Variants in WNK2 observed in about 807,000 individuals in gnomAD.
WNK2 encodes serine/threonine-protein kinase WNK2.
In WNK2, 67 loss-of-function variants were observed where a neutral mutation model predicts 192.1. The ratio of observed to expected loss-of-function variants is 0.35; its 90% CI spans 0.29 to 0.43. WNK2 has a LOEUF of 0.43. Among genes scored for constraint, WNK2 ranks in the 20% least tolerant of loss-of-function variants. WNK2 has a pLI of 1.00. For synonymous variants in WNK2, 1,439 were observed against 1,393.9 expected, an observed-to-expected ratio of 1.03 and a Z score of -0.72; for missense variants, 2,698 against 3,089.7, an observed-to-expected ratio of 0.87 and a Z score of 3.01.
At chr9:93,201,419 A>C (rs530868774) in intron 2 of WNK2, among the ~76,000 whole-genome samples, 8 of 152,286 alleles carry the variant, frequency 5.3e-5, no homozygotes, top group Admixed American at 5.2e-4. Context: ...CTCACGCTGC[A>C]TGCTCTTGGC....
chr9:93,253,221 TC>T, intron 9 of WNK2, 139 bp downstream of exon 9: 1 of 736,576 alleles, frequency 1.4e-6, no homozygotes, highest in Non-Finnish European at 1.9e-6. Context: ...GTGGTCAGTG[TC>T]CAGCCACACT....
chr9:93,214,516 G>C (rs1211277585), intron 2 of WNK2, among the ~76,000 whole-genome samples: 1 of 151,804 alleles, frequency 6.6e-6, no homozygotes, highest in East Asian at 1.9e-4. Context: ...GTTGGCCAGG[G>C]TGGTCTCAAA....
At chr9:93,266,554 T>C (rs1466886363) in intron 16 of WNK2, among the ~76,000 whole-genome samples, 3 of 152,248 alleles carry the variant, frequency 2.0e-5, no homozygotes, top group Non-Finnish European at 4.4e-5. Flanking sequence ...TTCTCGTATG[T>C]GGCACTCCAG....
At chr9:93,230,856 GCT>G in intron 3 of WNK2, 30 bp from the exon 4 acceptor site, 1 of 1,598,900 alleles carries the variant, frequency 6.3e-7, no homozygotes, top group Non-Finnish European at 8.5e-7. Flanking sequence ...CCGGCGAGCT[GCT>G]TGGTGAGCTG....
At chr9:93,225,335 G>C (rs1055684773) in intron 2 of WNK2, among the ~76,000 whole-genome samples, 1 of 152,208 alleles carries the variant, frequency 6.6e-6, no homozygotes, top group Non-Finnish European at 1.5e-5. Flanking sequence ...AATTGAGGCT[G>C]CAGTGAGCTA....
At position 93,292,921 on chromosome 9, in the gene WNK2, C is replaced by T. The variant is rs201158379; in HGVS notation, c.5456C>T (p.Pro1819Leu). 2.1e-4 allele frequency: 326 copies of T among 1,526,774 alleles called. 1 individual carries two copies. The highest frequency in any genetic ancestry group is 1.0e-4 in the Admixed American group (5 of 48,596). 94.6% of individuals were successfully genotyped at this position (1,526,774 alleles called of 1,614,324 possible). ...SGDEGPRARP[P>L]VQKQASLPVS... ...GACGAGGGCCCTCGGGCGAGACCCCCGGTGCAGAAGCAGGCGTCCCTGCCC... is the reference window on the plus strand; with the variant it reads ...GACGAGGGCCCTCGGGCGAGACCCCTGGTGCAGAAGCAGGCGTCCCTGCCC... Residue 1819 changes from proline to leucine, a missense_variant, in exon 23 of 30, where the codon CCG (proline) becomes CTG (leucine). Transcript: ENST00000427277.
chr9:93,307,888 C>T (rs758846044), intron 27 of WNK2: 6 of 176,370 alleles, frequency 3.4e-5, no homozygotes, highest in East Asian at 1.6e-4. Context: ...TCCACCGCCC[C>T]GCGTCCTCAT....
chr9:93,260,768 C>T (rs1471814419), intron 12 of WNK2, among the ~76,000 whole-genome samples: 1 of 152,206 alleles, frequency 6.6e-6, no homozygotes, highest in Non-Finnish European at 1.5e-5. Context: ...GTGGCCCACC[C>T]GAGTAAGTGC....
intron 2 of WNK2, among the ~76,000 whole-genome samples, chr9:93,204,488 T>G (rs1240969638): frequency 6.6e-6 from 1 of 152,196 alleles, no homozygotes; most frequent in African/African-American, 2.4e-5. Flanking sequence ...CTCAGGGTTC[T>G]AAATGTGCTG....
intron 2 of WNK2, among the ~76,000 whole-genome samples, chr9:93,201,361 C>T (rs1563974075): frequency 6.6e-6 from 1 of 152,346 alleles, no homozygotes; most frequent in East Asian, 1.9e-4. Flanking sequence ...GGCTGCTGAC[C>T]CCAGCCTTCA....
chr9:93,203,940 C>T (rs372558138), intron 2 of WNK2, among the ~76,000 whole-genome samples: 376 of 152,174 alleles, frequency 2.5e-3, no homozygotes, highest in South Asian at 0.013. Flanking sequence ...AGGGATGTCC[C>T]GAGGGCTTCC....
intron 14 of WNK2, among the ~76,000 whole-genome samples, chr9:93,263,030 G>C (rs1345540151): frequency 6.6e-6 from 1 of 152,210 alleles, no homozygotes; most frequent in Admixed American, 6.5e-5. Flanking sequence ...GACTAGGAGG[G>C]GGCTGGGAGG....
chr9:93,278,933 C>T (rs1429582528), intron 19 of WNK2, among the ~76,000 whole-genome samples: 1 of 152,172 alleles, frequency 6.6e-6, no homozygotes, highest in Non-Finnish European at 1.5e-5. Context: ...CAAAACCCAA[C>T]AATTATAAAC....
At chr9:93,214,039 A>G (rs940838290) in intron 2 of WNK2, among the ~76,000 whole-genome samples, 2 of 152,276 alleles carry the variant, frequency 1.3e-5, no homozygotes, top group South Asian at 2.1e-4. Flanking sequence ...TGTACAGTTA[A>G]TACTAGCAGA....
At chr9:93,282,083 G>T (rs1847827830) in intron 19 of WNK2, among the ~76,000 whole-genome samples, 1 of 152,156 alleles carries the variant, frequency 6.6e-6, no homozygotes, top group African/African-American at 2.4e-5. Flanking sequence ...AGTGAATTTT[G>T]ACTGGATGAA....
chr9:93,211,355 TACTC>T (rs1834657268), intron 2 of WNK2, among the ~76,000 whole-genome samples: 1 of 132,408 alleles, frequency 7.6e-6, no homozygotes, highest in South Asian at 2.6e-4. Flanking sequence ...TTCACTCATC[TACTC>T]ACTCATCACT....
intron 28 of WNK2, among the ~76,000 whole-genome samples, chr9:93,310,367 G>T (rs1157362426): frequency 6.6e-6 from 1 of 152,196 alleles, no homozygotes; most frequent in Non-Finnish European, 1.5e-5. Context: ...AGGATTAGCA[G>T]TGCTAACTGT....
chr9:93,238,427 G>A, intron 6 of WNK2, 106 bp downstream of exon 6: 2 of 1,122,224 alleles, frequency 1.8e-6, no homozygotes, highest in Non-Finnish European at 2.6e-6. Flanking sequence ...AGACAGGCAG[G>A]CTCAGGCCAG....
At chr9:93,311,464 G>A (rs1419491297) in intron 28 of WNK2, among the ~76,000 whole-genome samples, 1 of 152,168 alleles carries the variant, frequency 6.6e-6, no homozygotes, top group African/African-American at 2.4e-5. Flanking sequence ...AAGTGGAATT[G>A]CTAGATCATA....
Sources: gnomAD v4.1 joint callset for allele counts (sites outside exome capture counted in the v4.1 genomes callset) on GRCh38, gnomAD v4.1.1 for gene constraint, MANE v1.5 for transcripts, NCBI Gene and HGNC (gene_info 2026-07-23, HGNC 2026-07-21) for gene names.